The following GRIA4 variants were observed in gnomAD, a reference collection of about 807,000 sequenced individuals.
GRIA4 encodes the protein glutamate receptor 4.
GRIA4 carries 34 observed loss-of-function variants against 104.0 expected under a neutral mutation model. The ratio of observed to expected loss-of-function variants is 0.33; its 90% CI spans 0.25 to 0.44. The LOEUF (loss-of-function observed/expected upper bound fraction) is 0.44, where lower values mean the gene tolerates loss of function less well. Among genes scored for constraint, GRIA4 ranks in the 20% least tolerant of loss-of-function variants. The probability of loss-of-function intolerance (pLI) is 1.00; values close to 1 mark genes in which losing one functional copy is unlikely to be tolerated. For synonymous variants in GRIA4, 386 were observed against 381.9 expected (o/e 1.01, Z -0.13); for missense variants, 750 against 1,096.5 (o/e 0.68, Z 4.46).
chr11:105,929,355 T>G (rs545845708), intron 13 of GRIA4, among the ~76,000 whole-genome samples: 1 of 152,090 alleles, frequency 6.6e-6, no homozygotes, highest in South Asian at 2.1e-4. Flanking sequence ...TATAATCAAC[T>G]GAAAAAAGAA....
At chr11:105,821,586 A>G (rs921606799) in intron 4 of GRIA4, among the ~76,000 whole-genome samples, 1 of 151,992 alleles carries the variant, frequency 6.6e-6, no homozygotes, top group East Asian at 1.9e-4. Context: ...CCACCAGATC[A>G]TGTGAGAACT....
At chr11:105,754,357 T>C (rs936803045) in intron 4 of GRIA4, among the ~76,000 whole-genome samples, 1 of 152,188 alleles carries the variant, frequency 6.6e-6, no homozygotes, top group Non-Finnish European at 1.5e-5. Context: ...CAAAGGCAAA[T>C]GAGTTAATGT....
chr11:105,933,806 G>GGA lies in GRIA4; in HGVS notation c.2133_2134dup (p.Val712GlufsTer2). On this transcript the variant is annotated frameshift_variant, in exon 14 of 17. Transcript: ENST00000282499. LOFTEE classifies it high-confidence loss of function. ...AGTATTCACTAGGACTACAGCTGAG[G>GGA]GAGTAGCTCGTGTCCGCAAATCCAA... The GGA allele has an allele frequency of 6.2e-7, 1 of 1,613,240 alleles. No homozygotes were observed. The highest frequency in any genetic ancestry group is 8.5e-7 in the Non-Finnish European group (1 of 1,179,404).
intron 14 of GRIA4, 61 bp downstream of exon 14, chr11:105,934,030 T>A (rs2136212606): frequency 7.6e-7 from 1 of 1,323,652 alleles, no homozygotes; most frequent in East Asian, 2.4e-5. Context: ...TTCCCTGATG[T>A]GCCTGAGAGA....
At position 105,765,527 on chromosome 11, in the gene GRIA4, T is replaced by C. The variant is rs897393377; in HGVS notation, c.487+12307T>C. On this transcript the variant is annotated intron_variant, in intron 4 of 16. Coordinates refer to ENST00000282499, the MANE Select transcript of GRIA4 (RefSeq NM_000829.4). Reference sequence around the variant, plus strand: ...GTGGAACGGATGATGCTGAAGCCCATAGATAGTACCAAGTCTGAGGCTTTG... The same window carrying C: ...GTGGAACGGATGATGCTGAAGCCCACAGATAGTACCAAGTCTGAGGCTTTG... 8.5e-5 allele frequency among the ~76,000 whole-genome samples: 13 copies of C among 152,270 alleles called. No individual in the cohort carries two copies. In the East Asian group the frequency reaches 1.2e-3, roughly 14 times the overall value.
intron 4 of GRIA4, among the ~76,000 whole-genome samples, chr11:105,832,678 T>C (rs1944020196): frequency 6.6e-6 from 1 of 151,918 alleles, no homozygotes; most frequent in Non-Finnish European, 1.5e-5. Flanking sequence ...TTTTCATTTG[T>C]CCATGGAGAT....
chr11:105,897,911 T>C (rs558372610), intron 6 of GRIA4, among the ~76,000 whole-genome samples: 1 of 152,296 alleles, frequency 6.6e-6, no homozygotes, highest in South Asian at 2.1e-4. Flanking sequence ...TTCAGTATGA[T>C]ACTAGTTTCA....
At chr11:105,774,551 G>A (rs1751027604) in intron 4 of GRIA4, among the ~76,000 whole-genome samples, 1 of 152,044 alleles carries the variant, frequency 6.6e-6, no homozygotes, top group Admixed American at 6.6e-5. Context: ...AATGTTTGAG[G>A]CTAATAAAAA....
At chr11:105,973,459 T>C (rs1324749439) in intron 15 of GRIA4, among the ~76,000 whole-genome samples, 2 of 152,134 alleles carry the variant, frequency 1.3e-5, no homozygotes, top group Admixed American at 6.5e-5. Flanking sequence ...CGAGATTATA[T>C]GTATACTGAA....
chr11:105,841,838 A>G (rs1944405276), intron 4 of GRIA4, among the ~76,000 whole-genome samples: 1 of 152,138 alleles, frequency 6.6e-6, no homozygotes, highest in Non-Finnish European at 1.5e-5. Context: ...TTCTCCCCAT[A>G]AGAAGCTAGA....
At chr11:105,622,951 T>C (rs1315389452) in intron 3 of GRIA4, among the ~76,000 whole-genome samples, 1 of 151,630 alleles carries the variant, frequency 6.6e-6, no homozygotes, top group Non-Finnish European at 1.5e-5. Flanking sequence ...TTGATTTTTC[T>C]GTGTCTGACT....
chr11:105,683,894 G>T (rs1211270228), intron 3 of GRIA4, among the ~76,000 whole-genome samples: 12 of 149,424 alleles, frequency 8.0e-5, no homozygotes, highest in African/African-American at 2.5e-4. Context: ...TTTTTTTTTT[G>T]AGATGGAGTC....
chr11:105,965,989 C>T, intron 14 of GRIA4: 2 of 1,613,294 alleles, frequency 1.2e-6, no homozygotes, highest in Admixed American at 3.3e-5. Context: ...ATGAACAAGG[C>T]CTCTTGGACA....
At position 105,868,261 on chromosome 11, in the gene GRIA4, G is replaced by A. The variant is rs78620059; in HGVS notation, c.672+6053G>A. On this transcript the variant is annotated intron_variant, in intron 5 of 16. Coordinates refer to ENST00000282499, the MANE Select transcript of GRIA4 (RefSeq NM_000829.4). Reference sequence around the variant, plus strand: ...AGACAGAACGAACTGTAAAGGAAACGAGATCTGAAAATGCTCAAAAGGTAA... The same window carrying A: ...AGACAGAACGAACTGTAAAGGAAACAAGATCTGAAAATGCTCAAAAGGTAA... 7.3e-4 allele frequency among the ~76,000 whole-genome samples: 111 copies of A among 152,238 alleles called. No individual in the cohort carries two copies. The East Asian group carries it at 0.02, about 27-fold the overall frequency.
chr11:105,868,694 C>T (rs1945513857), intron 5 of GRIA4, among the ~76,000 whole-genome samples: 1 of 152,088 alleles, frequency 6.6e-6, no homozygotes, highest in Non-Finnish European at 1.5e-5. Context: ...GTTTTATTTC[C>T]ATATATTAAA....
chr11:105,642,993 C>T (rs182246127), intron 3 of GRIA4, among the ~76,000 whole-genome samples: 10 of 152,186 alleles, frequency 6.6e-5, no homozygotes, highest in Admixed American at 2.6e-4. Flanking sequence ...CTTCACATGG[C>T]AGCAGCAAGG....
chr11:105,688,848 G>A (rs893083297), intron 3 of GRIA4, among the ~76,000 whole-genome samples: 1 of 151,990 alleles, frequency 6.6e-6, no homozygotes, highest in African/African-American at 2.4e-5. Context: ...TTAGGTAGAT[G>A]GTGGTGCTAG....
rs138573030 is a variant in GRIA4, at chr11:105,690,239, C to T, written c.248-62742C>T. 3.9e-5 allele frequency among the ~76,000 whole-genome samples: 6 copies of T among 152,320 alleles called. No homozygotes were observed. In the East Asian group the frequency reaches 1.2e-3, roughly 29 times the overall value. ...TCCTTGATTTCCATGGCAACTCTCA[C>T]TGCTTCTGCCTTTAGCAAGTTTACT... On this transcript the variant is annotated intron_variant, in intron 3 of 16. Transcript: ENST00000282499.
intron 3 of GRIA4, among the ~76,000 whole-genome samples, chr11:105,733,771 C>T (rs755590956): frequency 1.1e-4 from 17 of 151,952 alleles, no homozygotes; most frequent in Non-Finnish European, 2.1e-4. Context: ...TATTCTTATT[C>T]TGCTCATTGA....
Sources: gnomAD v4.1 joint callset for allele counts (sites outside exome capture counted in the v4.1 genomes callset) on GRCh38, gnomAD v4.1.1 for gene constraint, MANE v1.5 for transcripts, NCBI Gene and HGNC (gene_info 2026-07-23, HGNC 2026-07-21) for gene names.